Variants in TTC39B observed in about 807,000 individuals in gnomAD.
TTC39B encodes tetratricopeptide repeat domain 39B.
In TTC39B, 92 loss-of-function variants were observed where a neutral mutation model predicts 96.6. That is an observed-to-expected ratio of 0.95 (90% CI 0.80 to 1.13). The LOEUF (loss-of-function observed/expected upper bound fraction) is 1.13. TTC39B is among the 50% of genes most tolerant of loss of function. The pLI is 0.00. For missense variants in TTC39B, 955 were observed against 809.3 expected (o/e 1.18, Z -2.18); for synonymous variants, 367 against 299.4 (o/e 1.23, Z -2.33).
At chr9:15,289,308 TTA>T (rs1824094585) in intron 1 of TTC39B, among the ~76,000 whole-genome samples, 1 of 152,024 alleles carries the variant, frequency 6.6e-6, no homozygotes, top group Admixed American at 6.5e-5. Context: ...AATAATCTTA[TTA>T]TGATTCTTTC....
At chr9:15,290,677 C>A (rs1319960072) in intron 1 of TTC39B, among the ~76,000 whole-genome samples, 1 of 152,222 alleles carries the variant, frequency 6.6e-6, no homozygotes, top group Non-Finnish European at 1.5e-5. Flanking sequence ...TCTACTCCCT[C>A]CTTTCACATG....
At chr9:15,281,294 T>C (rs1823752810) in intron 1 of TTC39B, among the ~76,000 whole-genome samples, 1 of 152,108 alleles carries the variant, frequency 6.6e-6, no homozygotes, top group African/African-American at 2.4e-5. Flanking sequence ...ACTCATGGGG[T>C]TGAAGAATTA....
chr9:15,283,132 A>C (rs1823829919), intron 1 of TTC39B, among the ~76,000 whole-genome samples: 1 of 152,190 alleles, frequency 6.6e-6, no homozygotes, highest in East Asian at 1.9e-4. Context: ...CAACCACACC[A>C]AGATACTACT....
chr9:15,221,495 G>A (rs1820838898), intron 3 of TTC39B, among the ~76,000 whole-genome samples: 2 of 151,728 alleles, frequency 1.3e-5, no homozygotes, highest in Admixed American at 6.6e-5. Flanking sequence ...TTTACTTTCT[G>A]GCACAAGATC....
chr9:15,277,078 A>G (rs530757271), intron 1 of TTC39B, among the ~76,000 whole-genome samples: 1 of 152,240 alleles, frequency 6.6e-6, no homozygotes, highest in African/African-American at 2.4e-5. Flanking sequence ...TCTAGCCTTT[A>G]CCCTCTAGCC....
chr9:15,261,065 C>G (rs1822927255), intron 2 of TTC39B, among the ~76,000 whole-genome samples: 1 of 152,194 alleles, frequency 6.6e-6, no homozygotes, highest in Admixed American at 6.5e-5. Context: ...TGATCTGTCT[C>G]CCCTGACTTC....
At chr9:15,267,935 T>A (rs1481102394) in exon 2 of TTC39B, 1 of 1,610,806 alleles carries the variant, frequency 6.2e-7, no homozygotes, top group Non-Finnish European at 8.5e-7. Context: ...TTCCAAGGCA[T>A]CTTCGAAAAC....
intron 7 of TTC39B, among the ~76,000 whole-genome samples, chr9:15,203,480 C>T (rs368694468): frequency 4.0e-5 from 6 of 151,150 alleles, no homozygotes; most frequent in East Asian, 2.0e-4. Context: ...AGGCTTGTCT[C>T]GAACTCTGGA....
intron 2 of TTC39B, among the ~76,000 whole-genome samples, chr9:15,261,460 G>A (rs1822942913): frequency 7.2e-6 from 1 of 138,112 alleles, no homozygotes; most frequent in Non-Finnish European, 1.5e-5. Flanking sequence ...GGGAGACAGA[G>A]TGAGATCCTA....
intron 1 of TTC39B, among the ~76,000 whole-genome samples, chr9:15,291,841 T>C (rs1483435837): frequency 3.3e-5 from 5 of 152,154 alleles, no homozygotes; most frequent in South Asian, 4.1e-4. Context: ...GGAAAGAACA[T>C]GGGCAAGCTT....
At chr9:15,291,531 C>A (rs1021126837) in intron 1 of TTC39B, among the ~76,000 whole-genome samples, 7 of 151,948 alleles carry the variant, frequency 4.6e-5, no homozygotes, top group African/African-American at 1.4e-4. Flanking sequence ...AGCATGAGAA[C>A]GGATTAATAC....
intron 1 of TTC39B, among the ~76,000 whole-genome samples, chr9:15,283,179 G>C (rs959135465): frequency 2.0e-5 from 3 of 152,088 alleles, no homozygotes; most frequent in Admixed American, 1.3e-4. Context: ...AATGAGTACA[G>C]GAATACACTA....
intron 1 of TTC39B, among the ~76,000 whole-genome samples, chr9:15,275,348 T>C (rs868326997): frequency 3.3e-5 from 5 of 152,336 alleles, no homozygotes; most frequent in Middle Eastern, 3.4e-3. Context: ...GCCAGTTCTG[T>C]GTTCCTTTGT....
In TTC39B at chr9:15,285,605, T is replaced by A. The variant is rs559004859; in HGVS notation, c.241-17657A>T. On this transcript the variant is annotated intron_variant, in intron 1 of 19. Transcript: ENST00000512701. ...AGCGGTGGCTCACGCCTGTAATCCC[T>A]GCACTTCGGGAGGCCGAGGCGGGCG... 1.9e-3 allele frequency among the ~76,000 whole-genome samples: 295 copies of A among 152,184 alleles called. 2 individuals are homozygous for A. The highest frequency in any genetic ancestry group is 2.4e-3 in the Non-Finnish European group (163 of 68,000).
intron 11 of TTC39B, among the ~76,000 whole-genome samples, chr9:15,190,136 A>G (rs1185329545): frequency 6.6e-6 from 1 of 152,216 alleles, no homozygotes; most frequent in Non-Finnish European, 1.5e-5. Flanking sequence ...ACCTTAATAT[A>G]GAAATTTTAG....
intron 2 of TTC39B, among the ~76,000 whole-genome samples, chr9:15,245,315 C>T (rs1822226211): frequency 6.6e-6 from 1 of 152,162 alleles, no homozygotes. Context: ...CTACAAATAT[C>T]TATTAGTAGG....
chr9:15,251,106 G>C (rs937669970), intron 2 of TTC39B, among the ~76,000 whole-genome samples: 1 of 152,122 alleles, frequency 6.6e-6, no homozygotes, highest in Admixed American at 6.5e-5. Flanking sequence ...TGAGGCAGAA[G>C]AATCGCTTGA....
intron 2 of TTC39B, among the ~76,000 whole-genome samples, chr9:15,235,861 C>T (rs1023441131): frequency 6.6e-6 from 1 of 152,162 alleles, no homozygotes; most frequent in African/African-American, 2.4e-5. Context: ...CATAAAAGAA[C>T]ACGTAAGTGC....
intron 1 of TTC39B, 44 bp downstream of exon 1, chr9:15,307,039 TC>T: frequency 6.3e-7 from 1 of 1,596,334 alleles, no homozygotes; most frequent in Non-Finnish European, 8.5e-7. Flanking sequence ...CGGACTCCTG[TC>T]CAGGGCTTCA....
Sources: gnomAD v4.1 joint callset for allele counts (sites outside exome capture counted in the v4.1 genomes callset) on GRCh38, gnomAD v4.1.1 for gene constraint, MANE v1.5 for transcripts, NCBI Gene and HGNC (gene_info 2026-07-23, HGNC 2026-07-21) for gene names.